ADIRF: variants seen among roughly 807,000 people sequenced by gnomAD.
ADIRF encodes adipogenesis factor rich in obesity.
A neutral mutation model predicts 7.8 loss-of-function variants in ADIRF; 9 were observed. The observed-to-expected ratio is 1.15, with a 90% CI of 0.70 to 2.01. The LOEUF is 2.01. Among genes scored for constraint, ADIRF ranks in the 30% most tolerant of loss-of-function variants. The probability of loss-of-function intolerance (pLI) is 0.00; values close to 1 mark genes in which losing one functional copy is unlikely to be tolerated. For missense variants in ADIRF, 106 were observed against 98.1 expected, an observed-to-expected ratio of 1.08 and a Z score of -0.34; for synonymous variants, 48 against 39.9, an observed-to-expected ratio of 1.20 and a Z score of -0.77.
chr10:86,968,640 G>C (rs1435596798), intron 1 of ADIRF, 35 bp downstream of exon 1: 2 of 1,600,136 alleles, frequency 1.2e-6, no homozygotes, highest in Non-Finnish European at 1.7e-6. Flanking sequence ...CTCAGGCAGG[G>C]GCACCTGCGT....
In ADIRF at chr10:86,970,807, A is replaced by C; in HGVS notation, c.*225A>C. On this transcript the variant is annotated 3_prime_UTR_variant, in exon 3 of 3. Coordinates refer to ENST00000372013, the MANE Select transcript of ADIRF (RefSeq NM_006829.3). ...CCAAGAGCAGAGCCACCGTAGCCGG[A>C]GTCCTAGCCTCCCAAATTCGGAAAT... 1.6e-6 allele frequency: 1 copy of C among 620,588 alleles called. No homozygotes were observed. The highest frequency in any genetic ancestry group is 1.5e-5 in the South Asian group (1 of 66,030). The allele number at this position is 620,588 out of a possible 1,614,324, so 38.4% of individuals were successfully genotyped here.
At position 86,970,680 on chromosome 10, in the gene ADIRF, C is replaced by G. The variant is rs1024272222; in HGVS notation, c.*98C>G. On this transcript the variant is annotated 3_prime_UTR_variant, in exon 3 of 3. Transcript: ENST00000372013. Reference sequence around the variant, plus strand: ...TCTAGCACAGCCTGGCCCTGATCTCCGGGCAGCCACCACCTCCTCGGTCTG... The same window carrying G: ...TCTAGCACAGCCTGGCCCTGATCTCGGGGCAGCCACCACCTCCTCGGTCTG... 17 of 1,020,406 alleles carry G rather than the reference C, an allele frequency of 1.7e-5. No homozygotes were observed. In the South Asian group the frequency reaches 2.3e-4, roughly 14 times the overall value. The allele number at this position is 1,020,406 out of a possible 1,614,324, so 63.2% of individuals were successfully genotyped here.
Position 86,970,665 on chromosome 10 carries a change from C to A in ADIRF, c.*83C>A. 8.3e-7 allele frequency: 1 copy of A among 1,202,888 alleles called. No individual in the cohort carries two copies. Among genetic ancestry groups the A allele is most frequent in the African/African-American group, 1.5e-5 (1 of 67,046 alleles). The allele number at this position is 1,202,888 out of a possible 1,614,324, so 74.5% of individuals were successfully genotyped here. Reference sequence around the variant, plus strand: ...CCCTTCCAGGCGCCATCTAGCACAGCCTGGCCCTGATCTCCGGGCAGCCAC... The same window carrying A: ...CCCTTCCAGGCGCCATCTAGCACAGACTGGCCCTGATCTCCGGGCAGCCAC... On this transcript the variant is annotated 3_prime_UTR_variant, in exon 3 of 3. Transcript: ENST00000372013.
intron 1 of ADIRF, 52 bp from the exon 2 acceptor site, chr10:86,970,148 T>C: frequency 7.1e-7 from 1 of 1,402,502 alleles, no homozygotes; most frequent in Non-Finnish European, 9.4e-7. Context: ...GTGGGGCACC[T>C]GTAGTCGGTG....
intron 1 of ADIRF, chr10:86,969,940 C>T (rs1031563130): frequency 9.6e-6 from 3 of 312,350 alleles, no homozygotes; most frequent in Non-Finnish European, 1.8e-5. Flanking sequence ...TCTCAGTAGC[C>T]CTGGAGATGG....
At chr10:86,968,735 G>A (rs1719104546) in intron 1 of ADIRF, 130 bp downstream of exon 1, 3 of 1,030,858 alleles carry the variant, frequency 2.9e-6, no homozygotes, top group Non-Finnish European at 4.2e-6. Flanking sequence ...GTCCTCCACT[G>A]AGACGCAGGG....
Position 86,970,237 on chromosome 10 carries a change from C to T in ADIRF, c.99C>T (p.Asp33=). The T allele has an allele frequency of 6.8e-7, 1 of 1,461,442 alleles. No individual in the cohort carries two copies. The highest frequency in any genetic ancestry group is 9.1e-7 in the Non-Finnish European group (1 of 1,104,174). The allele number at this position is 1,461,442 out of a possible 1,614,324, so 90.5% of individuals were successfully genotyped here. The change falls in exon 2 of 3, where the codon GAC becomes GAT. Residue 33 remains aspartate (D), a synonymous_variant. Coordinates refer to ENST00000372013, the MANE Select transcript of ADIRF (RefSeq NM_006829.3). The part of the protein sequence containing the change: ...AAGAAAQQVV[D]QATEAGQKAM... ...GAGCGGCAGCTCAGCAAGTGGTGGA[C>T]CAGGCCACAGAGGCGGGGCAGAAAG...
chr10:86,970,171 G>C (rs1334545138), intron 1 of ADIRF, 29 bp from the exon 2 acceptor site: 1 of 1,431,910 alleles, frequency 7.0e-7, no homozygotes, highest in African/African-American at 1.4e-5. Context: ...GCCTCAACAG[G>C]GGCTAAAAGC....
At chr10:86,970,425 C>T in intron 2 of ADIRF, 51 bp from the exon 3 acceptor site, 1 of 1,556,774 alleles carries the variant, frequency 6.4e-7, no homozygotes, top group Non-Finnish European at 8.8e-7. Flanking sequence ...CCTACAGGCA[C>T]TGTGGTTCCC....
chr10:86,970,439 C>T (rs1481628187), intron 2 of ADIRF, 37 bp from the exon 3 acceptor site: 1 of 1,579,764 alleles, frequency 6.3e-7, no homozygotes, highest in African/African-American at 1.4e-5. Context: ...GGTTCCCGGG[C>T]CCTGCCTGAC....
chr10:86,970,490 G>A lies in ADIRF; in HGVS notation c.139G>A (p.Ala47Thr), dbSNP rs202193022. Residue 47 changes from alanine to threonine, a missense_variant, in exon 3 of 3, where the codon GCC becomes ACC. Coordinates refer to ENST00000372013, the MANE Select transcript of ADIRF (RefSeq NM_006829.3). ...CCCTTCCCCAGCCATGGACCAGCTG[G>A]CCAAGACCACCCAGGAAACCATCGA... is the stretch of plus-strand genomic sequence containing the variant. ...EAGQKAMDQLAKTTQETIDKT... is the reference protein window; with the variant it reads ...EAGQKAMDQLTKTTQETIDKT... The A allele has an allele frequency of 5.5e-5, 89 of 1,612,994 alleles. No homozygotes were observed. The highest frequency in any genetic ancestry group is 6.7e-5 in the Admixed American group (4 of 59,902).
At chr10:86,970,357 G>T in intron 2 of ADIRF, 95 bp downstream of exon 2, 1 of 1,507,630 alleles carries the variant, frequency 6.6e-7, no homozygotes, top group South Asian at 1.2e-5. Context: ...CTCCTCTGCA[G>T]AGCCCTCTGT....
Position 86,968,559 on chromosome 10 carries a change from C to A in ADIRF, c.15C>A (p.Gly5=), listed in dbSNP as rs771267919. MASK[G]LQDLKQQVEG... ...ACCCCGAAGCCATGGCAAGCAAGGG[C>A]TTGCAGGACCTGAAGCAACAGGTGG... Residue 5 remains glycine (G), a synonymous_variant, in exon 1 of 3, where the codon GGC becomes GGA. Transcript: ENST00000372013. 6.2e-7 allele frequency: 1 copy of A among 1,613,620 alleles called. No homozygotes were observed. Among genetic ancestry groups the A allele is most frequent in the African/African-American group, 1.3e-5 (1 of 75,036 alleles).
At chr10:86,969,862 T>G in intron 1 of ADIRF, 1 of 199,260 alleles carries the variant, frequency 5.0e-6, no homozygotes, top group African/African-American at 2.3e-5. Context: ...ATCACCAGCA[T>G]TAGCCAACAG....
At chr10:86,969,027 T>G in intron 1 of ADIRF, 1 of 174,506 alleles carries the variant, frequency 5.7e-6, no homozygotes, top group Non-Finnish European at 1.2e-5. Context: ...CGCCGAAAAG[T>G]AATCGTCGCC....
rs7960 is a variant in ADIRF, at chr10:86,970,617, C to T, written c.*35C>T. The T allele has an allele frequency of 0.43, 663,331 of 1,535,718 alleles. 148,253 individuals are homozygous for T. The highest frequency in any genetic ancestry group is 0.67 in the East Asian group (29,014 of 43,308). On this transcript the variant is annotated 3_prime_UTR_variant, in exon 3 of 3. Coordinates refer to ENST00000372013, the MANE Select transcript of ADIRF (RefSeq NM_006829.3). Reference sequence around the variant, plus strand: ...GACTTGGGTCGGCCTCCTGAAATGACAGCAGGGAGACTTGGGTGACCCCCC... The same window carrying T: ...GACTTGGGTCGGCCTCCTGAAATGATAGCAGGGAGACTTGGGTGACCCCCC...
chr10:86,970,597 GGGT>G lies in ADIRF; in HGVS notation c.*16_*18del. ...TCCTGAAATGACAGCAGGGAGACTT[GGGT>G]CGGCCTCCTGAAATGACAGCAGGGA... On this transcript the variant is annotated 3_prime_UTR_variant, in exon 3 of 3. Transcript: ENST00000372013. 1 of 1,590,868 alleles carries G rather than the reference GGGT, an allele frequency of 6.3e-7. No homozygotes were observed. The highest frequency in any genetic ancestry group is 1.3e-5 in the African/African-American group (1 of 74,544).
intron 1 of ADIRF, 82 bp downstream of exon 1, chr10:86,968,687 G>A: frequency 1.3e-6 from 2 of 1,498,106 alleles, no homozygotes; most frequent in South Asian, 1.2e-5. Flanking sequence ...GGCGCGGTCC[G>A]CAAGTTCCTG....
rs1194672825 is a variant in ADIRF at position 86,970,721 on chromosome 10, T to C, written c.*139T>C. 1 of 765,542 alleles carries C rather than the reference T, an allele frequency of 1.3e-6. No homozygotes were observed. Among genetic ancestry groups the C allele is most frequent in the Admixed American group, 2.0e-5 (1 of 49,732 alleles). The allele number at this position is 765,542 out of a possible 1,614,324, so 47.4% of individuals were successfully genotyped here. A position where few individuals can be genotyped will look rare whatever the true frequency, so the allele number is the denominator to read the frequency against. Reference sequence around the variant, plus strand: ...CCTCGGTCTGCCCCCTCATTAAAATTCACGTTCCCACCCTGTGTCCACTTC... The same window carrying C: ...CCTCGGTCTGCCCCCTCATTAAAATCCACGTTCCCACCCTGTGTCCACTTC... On this transcript the variant is annotated 3_prime_UTR_variant, in exon 3 of 3. Coordinates refer to ENST00000372013, the MANE Select transcript of ADIRF (RefSeq NM_006829.3).
Sources: gnomAD v4.1 joint callset for allele counts on GRCh38, gnomAD v4.1.1 for gene constraint, MANE v1.5 for transcripts, NCBI Gene and HGNC (gene_info 2026-07-23, HGNC 2026-07-21) for gene names.